The following PLPP4 variants were observed in gnomAD, a reference collection of about 807,000 sequenced individuals.
The protein encoded by PLPP4 is diacylglycerol pyrophosphate like 2.
PLPP4 carries 20 observed loss-of-function variants against 32.2 expected under a neutral mutation model. The ratio of observed to expected loss-of-function variants is 0.62; its 90% CI spans 0.44 to 0.90. PLPP4 has a LOEUF of 0.90. PLPP4 is among the 40% of genes least tolerant of loss of function. The pLI, the probability that PLPP4 is intolerant of heterozygous loss-of-function variation, is 0.00. For missense variants in PLPP4, 257 were observed against 353.1 expected, an observed-to-expected ratio of 0.73 and a Z score of 2.18; for synonymous variants, 127 against 133.0, an observed-to-expected ratio of 0.95 and a Z score of 0.31.
intron 3 of PLPP4, among the ~76,000 whole-genome samples, chr10:120,517,357 G>T (rs1291827065): frequency 1.3e-5 from 2 of 152,196 alleles, no homozygotes; most frequent in Non-Finnish European, 2.9e-5. Flanking sequence ...ATATCCCAGA[G>T]AATTTGCTCT....
intron 1 of PLPP4, among the ~76,000 whole-genome samples, chr10:120,462,900 G>C (rs1324350351): frequency 6.6e-6 from 1 of 152,138 alleles, no homozygotes; most frequent in Non-Finnish European, 1.5e-5. Flanking sequence ...GTAAGAGGGA[G>C]GGGGACTTTT....
chr10:120,562,227 C>G (rs1848469700), intron 5 of PLPP4, among the ~76,000 whole-genome samples: 1 of 151,774 alleles, frequency 6.6e-6, no homozygotes, highest in African/African-American at 2.4e-5. Context: ...ATTACATTTC[C>G]TAGCTAATTA....
chr10:120,458,932 A>G (rs1251415078), intron 1 of PLPP4, among the ~76,000 whole-genome samples: 2 of 152,204 alleles, frequency 1.3e-5, no homozygotes, highest in Non-Finnish European at 2.9e-5. Context: ...AAGAATGCTG[A>G]GATAAAGTGA....
chr10:120,558,443 C>G (rs557141332), intron 5 of PLPP4, among the ~76,000 whole-genome samples: 2 of 133,298 alleles, frequency 1.5e-5, no homozygotes, highest in South Asian at 2.4e-4. Context: ...GAATTTTGCT[C>G]TGTCACTCAG....
intron 1 of PLPP4, among the ~76,000 whole-genome samples, chr10:120,469,002 T>G (rs1318857792): frequency 1.6e-5 from 1 of 64,504 alleles, no homozygotes; most frequent in African/African-American, 3.3e-5. Flanking sequence ...ATACAAAGAT[T>G]TTTTTGCTGT....
At chr10:120,485,659 A>G (rs1844413344) in intron 1 of PLPP4, among the ~76,000 whole-genome samples, 1 of 152,260 alleles carries the variant, frequency 6.6e-6, no homozygotes, top group Non-Finnish European at 1.5e-5. Context: ...TTACAAAAGG[A>G]CCATTATTGA....
At chr10:120,571,093 CGTGTGTGTGTGTGTGTGT>C (rs60011757) in intron 5 of PLPP4, among the ~76,000 whole-genome samples, 2 of 144,576 alleles carry the variant, frequency 1.4e-5, no homozygotes, top group African/African-American at 5.2e-5. Flanking sequence ...AGTAAAGGGG[CGTGTGTGTGTGTGTGTGT>C]GTGTGTGTGT....
chr10:120,589,752 G>A lies in PLPP4; in HGVS notation c.*250G>A, dbSNP rs1408183973. On this transcript the variant is annotated 3_prime_UTR_variant, in exon 7 of 7. Coordinates refer to ENST00000398250, the MANE Select transcript of PLPP4 (RefSeq NM_001030059.3). ...AAGAGGCTGTGAAGGTGGGGTTTGG[G>A]GAGCTTGGCCGATTCGTCTATCTGA... 1.7e-5 allele frequency: 8 copies of A among 467,280 alleles called. No individual in the cohort carries two copies. The Admixed American group carries it at 2.3e-4, about 13-fold the overall frequency. 28.9% of individuals were successfully genotyped at this position (467,280 alleles called of 1,614,324 possible). A position where few individuals can be genotyped will look rare whatever the true frequency, so the allele number is the denominator to read the frequency against.
chr10:120,526,123 A>G (rs1161156564), intron 5 of PLPP4, among the ~76,000 whole-genome samples: 1 of 152,010 alleles, frequency 6.6e-6, no homozygotes, highest in African/African-American at 2.4e-5. Context: ...ATTTTTATCT[A>G]CTAAAGCTTC....
At chr10:120,567,032 C>T (rs2134028784) in intron 5 of PLPP4, among the ~76,000 whole-genome samples, 1 of 151,054 alleles carries the variant, frequency 6.6e-6, no homozygotes, top group East Asian at 2.0e-4. Context: ...CTCTGGCTTT[C>T]CTGTGTCCTT....
At chr10:120,510,088 T>C (rs1845665602) in intron 2 of PLPP4, among the ~76,000 whole-genome samples, 1 of 152,214 alleles carries the variant, frequency 6.6e-6, no homozygotes, top group Non-Finnish European at 1.5e-5. Flanking sequence ...GTAGGATTGC[T>C]GTGAGAAGTG....
In PLPP4 at chr10:120,468,607, A is replaced by C. The variant is rs1398671253; in HGVS notation, c.56+11246A>C. Among the ~76,000 whole-genome samples the C allele has an allele frequency of 1.5e-4, 10 of 65,404 alleles. 5 individuals are homozygous for C. The Admixed American group carries it at 1.7e-3, about 11-fold the overall frequency. The allele number at this position is 65,404 out of a possible 152,430, so 42.9% of individuals were successfully genotyped here. A position where few individuals can be genotyped will look rare whatever the true frequency, so the allele number is the denominator to read the frequency against. On this transcript the variant is annotated intron_variant, in intron 1 of 6. Coordinates refer to ENST00000398250, the MANE Select transcript of PLPP4 (RefSeq NM_001030059.3). ...TAAGCATTTATTATTTTCATGCACA[A>C]TCAAAAAAATCAATATAGATGTTTT...
At chr10:120,495,587 C>G (rs1266586339) in intron 1 of PLPP4, among the ~76,000 whole-genome samples, 1 of 152,116 alleles carries the variant, frequency 6.6e-6, no homozygotes, top group African/African-American at 2.4e-5. Context: ...CCTTTCGGCT[C>G]TCACCTGGAA....
chr10:120,463,047 G>A (rs891374202), intron 1 of PLPP4, among the ~76,000 whole-genome samples: 6 of 126,580 alleles, frequency 4.7e-5, no homozygotes, highest in Non-Finnish European at 6.4e-5. Context: ...TTTTTGAGAC[G>A]GAGTCTCACT....
At chr10:120,534,011 A>G (rs903825029) in intron 5 of PLPP4, among the ~76,000 whole-genome samples, 2 of 152,194 alleles carry the variant, frequency 1.3e-5, no homozygotes, top group African/African-American at 2.4e-5. Flanking sequence ...GAGAAGAAAG[A>G]TGCATTTATA....
chr10:120,560,717 T>C (rs369418463), intron 5 of PLPP4, among the ~76,000 whole-genome samples: 1 of 152,176 alleles, frequency 6.6e-6, no homozygotes, highest in African/African-American at 2.4e-5. Flanking sequence ...ATTGCACCAC[T>C]GCACTCCAAC....
chr10:120,488,195 A>G (rs1176029388), intron 1 of PLPP4, among the ~76,000 whole-genome samples: 1 of 152,254 alleles, frequency 6.6e-6, no homozygotes, highest in Non-Finnish European at 1.5e-5. Context: ...AGGAGCCCAG[A>G]GTCAATGCCA....
At chr10:120,557,631 A>G (rs903453178) in intron 5 of PLPP4, among the ~76,000 whole-genome samples, 2 of 152,098 alleles carry the variant, frequency 1.3e-5, no homozygotes, top group African/African-American at 4.8e-5. Flanking sequence ...CCCTAATTAT[A>G]ATAGTTAGCA....
intron 5 of PLPP4, among the ~76,000 whole-genome samples, chr10:120,538,429 A>G (rs1051627573): frequency 1.3e-5 from 2 of 152,084 alleles, no homozygotes; most frequent in African/African-American, 4.8e-5. Context: ...GAGTCTGCTA[A>G]TTAGTGCTAA....
Sources: gnomAD v4.1 joint callset for allele counts (sites outside exome capture counted in the v4.1 genomes callset) on GRCh38, gnomAD v4.1.1 for gene constraint, MANE v1.5 for transcripts, NCBI Gene and HGNC (gene_info 2026-07-23, HGNC 2026-07-21) for gene names.